The following RAPGEF3 variants were observed in gnomAD, a reference collection of about 807,000 sequenced individuals.
RAPGEF3 encodes the protein 9330170P05Rik.
RAPGEF3 carries 103 observed loss-of-function variants against 129.8 expected under a neutral mutation model. The observed-to-expected ratio is 0.79, with a 90% CI of 0.68 to 0.93. RAPGEF3 has a LOEUF of 0.93. Ranked by LOEUF, RAPGEF3 falls within the 40% of genes least tolerant of loss-of-function variation. The pLI is 0.00. For synonymous variants in RAPGEF3, 436 were observed against 482.6 expected, an observed-to-expected ratio of 0.90 and a Z score of 1.26; for missense variants, 1,117 against 1,207.4, an observed-to-expected ratio of 0.93 and a Z score of 1.11.
At chr12:47,756,958 ACT>A (rs1182122371) in intron 2 of RAPGEF3, among the ~76,000 whole-genome samples, 2 of 150,450 alleles carry the variant, frequency 1.3e-5, no homozygotes, top group Non-Finnish European at 1.5e-5. Context: ...ACAGAGGAAG[ACT>A]CTGGTTAAAA....
At chr12:47,739,691 C>A (rs1236121074) in intron 23 of RAPGEF3, 1 of 363,876 alleles carries the variant, frequency 2.7e-6, no homozygotes, top group Non-Finnish European at 5.2e-6. Context: ...GTGGGAGGTT[C>A]CACCCCCAAC....
In RAPGEF3 at chr12:47,737,679, T is replaced by C. The variant is rs769084682; in HGVS notation, c.2660A>G (p.Glu887Gly). 6.2e-7 allele frequency: 1 copy of C among 1,613,060 alleles called. No homozygotes were observed. Among genetic ancestry groups the C allele is most frequent in the Non-Finnish European group, 8.5e-7 (1 of 1,179,794 alleles). The change falls in exon 28 of 28, where the codon GAG becomes GGG. Residue 887 changes from glutamate to glycine, a missense_variant. Glu to Gly is a moderately conservative substitution (Grantham distance 98). Coordinates refer to ENST00000449771, the MANE Select transcript of RAPGEF3 (RefSeq NM_001098531.4). Reference sequence around the variant, plus strand: ...TGGACTCCGGGTGCTCAGGGACTGCTCCGAGCCTGGTGGAGGAGAGTAGTC... The same window carrying C: ...TGGACTCCGGGTGCTCAGGGACTGCCCCGAGCCTGGTGGAGGAGAGTAGTC... ...SQVARISTCS[E>G]QSLSTRSPAS...
intron 23 of RAPGEF3, 159 bp downstream of exon 23, chr12:47,739,980 TCA>T (rs1941043968): frequency 1.2e-6 from 1 of 841,260 alleles, no homozygotes; most frequent in Non-Finnish European, 1.9e-6. Context: ...CTCCCCAAAC[TCA>T]CAGGCTGGAG....
chr12:47,737,781 TC>T, intron 27 of RAPGEF3, 96 bp from the exon 28 acceptor site: 1 of 1,243,598 alleles, frequency 8.0e-7, no homozygotes, highest in Non-Finnish European at 1.2e-6. Context: ...CTTCTTGCCC[TC>T]CACCACCCAC....
In RAPGEF3 at chr12:47,751,145, C is replaced by G; in HGVS notation, c.574G>C (p.Val192Leu). 6.4e-7 allele frequency: 1 copy of G among 1,556,978 alleles called. No homozygotes were observed. Among genetic ancestry groups the G allele is most frequent in the Non-Finnish European group, 8.7e-7 (1 of 1,150,788 alleles). The change falls in exon 6 of 28, where the codon GTG (valine) becomes CTG (leucine). Residue 192 changes from valine (V) to leucine (L), a missense_variant. Around this residue, in one of 3 missense-constraint regions of RAPGEF3, gnomAD observed 367 missense variants for 373.4 expected, o/e 0.98. Transcript: ENST00000449771. ...YRFPGPEPEP[V>L]RTHEMEEELA... ...TCCTCCTCCATCTCATGAGTTCTCA[C>G]GGGCTCGGGCTCGGGCCCGGGGAAC... is the stretch of plus-strand genomic sequence containing the variant.
At chr12:47,757,013 G>T (rs1942109339) in intron 2 of RAPGEF3, among the ~76,000 whole-genome samples, 1 of 151,876 alleles carries the variant, frequency 6.6e-6, no homozygotes, top group Admixed American at 6.6e-5. Context: ...AACTCTCCCG[G>T]CCAAGCGCAG....
chr12:47,754,628 A>C (rs970761691), intron 2 of RAPGEF3, among the ~76,000 whole-genome samples: 5 of 152,206 alleles, frequency 3.3e-5, no homozygotes, highest in Non-Finnish European at 7.3e-5. Context: ...TCAAAAAGTT[A>C]ATAATATAAA....
At chr12:47,743,803 T>C in intron 17 of RAPGEF3, 127 bp from the exon 18 acceptor site, 1 of 1,425,174 alleles carries the variant, frequency 7.0e-7, no homozygotes, top group Non-Finnish European at 9.6e-7. Flanking sequence ...GGGGAGGCCC[T>C]GAGCAAAAAA....
rs760195684 is a variant in RAPGEF3 at position 47,747,825 on chromosome 12, G to A, written c.1360C>T (p.Arg454Cys). The change falls in exon 14 of 28, where the codon CGC becomes TGC. Residue 454 changes from arginine (R) to cysteine (C), a missense_variant. This residue lies in a region of RAPGEF3 where 643 missense variants were observed against 673.4 expected (regional missense o/e 0.95). Coordinates refer to ENST00000449771, the MANE Select transcript of RAPGEF3 (RefSeq NM_001098531.4). Reference protein sequence around the residue: ...VEPAGGSEQERSTYVCNKRQQ... With the variant: ...VEPAGGSEQECSTYVCNKRQQ... ...CTCTTGTTGCAGACGTAGGTGCTGC[G>A]CTCCTGCTCGCTGCCACCCGCAGGC... The A allele has an allele frequency of 1.2e-5, 19 of 1,604,896 alleles. No homozygotes were observed. The highest frequency in any genetic ancestry group is 2.2e-5 in the East Asian group (1 of 44,888).
At chr12:47,757,173 A>G (rs765193320) in intron 2 of RAPGEF3, among the ~76,000 whole-genome samples, 4 of 152,072 alleles carry the variant, frequency 2.6e-5, no homozygotes, top group Non-Finnish European at 5.9e-5. Flanking sequence ...AAGCTACTCT[A>G]TTTAGTCTGG....
rs1370919676 is a variant in RAPGEF3, at chr12:47,738,363, T to C, written c.2527-116A>G. The C allele has an allele frequency of 3.6e-6, 5 of 1,395,536 alleles. No individual in the cohort carries two copies. In the Admixed American group the frequency reaches 5.8e-5, roughly 16 times the overall value. The allele number at this position is 1,395,536 out of a possible 1,614,324, so 86.4% of individuals were successfully genotyped here. A position where few individuals can be genotyped will look rare whatever the true frequency, so the allele number is the denominator to read the frequency against. On this transcript the variant is annotated intron_variant, in intron 25 of 27. Transcript: ENST00000449771. ...CCAAGGATCAGGGACTGTAAGATCC[T>C]TGGTTATGTGGCATCATGTGTACTT... is the stretch of plus-strand genomic sequence containing the variant.
intron 17 of RAPGEF3, 82 bp downstream of exon 17, chr12:47,743,905 A>G: frequency 1.4e-6 from 2 of 1,474,340 alleles, no homozygotes; most frequent in South Asian, 2.3e-5. Flanking sequence ...ACCGAGGTCA[A>G]GAGTGACGAC....
Position 47,737,277 on chromosome 12 carries a change from G to T in RAPGEF3, c.*290C>A, listed in dbSNP as rs1940833407. 2 of 427,480 alleles carry T rather than the reference G, an allele frequency of 4.7e-6. No homozygotes were observed. The highest frequency in any genetic ancestry group is 8.6e-6 in the Non-Finnish European group (2 of 231,566). The allele number at this position is 427,480 out of a possible 1,614,324, so 26.5% of individuals were successfully genotyped here. ...CATCTGGTGTGGAGACCTCTCTATT[G>T]CACACAACGTCCCAGCGCACTCCAC... On this transcript the variant is annotated 3_prime_UTR_variant, in exon 28 of 28. Coordinates refer to ENST00000449771, the MANE Select transcript of RAPGEF3 (RefSeq NM_001098531.4).
chr12:47,750,190 G>A, intron 7 of RAPGEF3, 151 bp downstream of exon 7: 1 of 1,053,652 alleles, frequency 9.5e-7, no homozygotes, highest in Non-Finnish European at 1.4e-6. Context: ...TTTCAGACAG[G>A]GCAGCGCCGG....
intron 22 of RAPGEF3, 50 bp from the exon 23 acceptor site, chr12:47,740,241 A>G (rs1941064923): frequency 6.2e-7 from 1 of 1,612,028 alleles, no homozygotes; most frequent in Admixed American, 1.7e-5. Context: ...GCCCAGCCCC[A>G]TCCAGCACTC....
chr12:47,739,394 C>T lies in RAPGEF3; in HGVS notation c.2374-164G>A, dbSNP rs188088272. 12 of 715,980 alleles carry T rather than the reference C, an allele frequency of 1.7e-5. No individual in the cohort carries two copies. The East Asian group carries it at 1.9e-4, about 11-fold the overall frequency. 44.4% of individuals were successfully genotyped at this position (715,980 alleles called of 1,614,324 possible). A position where few individuals can be genotyped will look rare whatever the true frequency, so the allele number is the denominator to read the frequency against. Reference sequence around the variant, plus strand: ...ACCCAGGCTCTGTCACAGGCGAACACGGGGCTTCCAACCTCCCATTAGCAC... The same window carrying T: ...ACCCAGGCTCTGTCACAGGCGAACATGGGGCTTCCAACCTCCCATTAGCAC... On this transcript the variant is annotated intron_variant, in intron 23 of 27. Transcript: ENST00000449771.
rs780843330 is a variant in RAPGEF3 at position 47,741,038 on chromosome 12, G to T, written c.1926C>A (p.Ile642=). Residue 642 remains isoleucine, a splice_region_variant and synonymous_variant, in exon 20 of 28, where the codon ATC becomes ATA. Transcript: ENST00000449771. ...TGGGCCCCAGCTGGTCAGGGTGTGG[G>T]ATCTGCGGGTGGGAGAGTGCTCAGG... ...VVNPQEVHEL[I]PHPDQLGPTV... The T allele has an allele frequency of 6.2e-7, 1 of 1,612,418 alleles. No homozygotes were observed. Among genetic ancestry groups the T allele is most frequent in the South Asian group, 1.1e-5 (1 of 90,782 alleles).
chr12:47,754,417 G>A (rs1485466189), intron 2 of RAPGEF3, among the ~76,000 whole-genome samples: 2 of 152,224 alleles, frequency 1.3e-5, no homozygotes, highest in Non-Finnish European at 1.5e-5. Context: ...AGGATGGGGC[G>A]GAGAGAGGGC....
chr12:47,740,064 G>A (rs1328266378), intron 23 of RAPGEF3, 77 bp downstream of exon 23: 1 of 1,498,552 alleles, frequency 6.7e-7, no homozygotes, highest in Admixed American at 1.9e-5. Flanking sequence ...GGGAAGCCAA[G>A]AGTGAGGGTG....
Sources: allele counts gnomAD v4.1 joint callset (sites outside exome capture counted in the v4.1 genomes callset), GRCh38; gene constraint gnomAD v4.1.1; regional missense constraint gnomAD v4.1.1; transcripts MANE v1.5; gene names NCBI Gene and HGNC (gene_info 2026-07-23, HGNC 2026-07-21).